ERCC8: variants seen among roughly 807,000 people sequenced by gnomAD.
ERCC8 encodes ERCC excision repair 8, CSA ubiquitin ligase complex subunit, also known as DNA excision repair protein ERCC-8.
Under a neutral mutation model 54.9 loss-of-function variants are expected in ERCC8, and 52 were observed. The ratio of observed to expected loss-of-function variants is 0.95; its 90% CI spans 0.76 to 1.19. The LOEUF (loss-of-function observed/expected upper bound fraction) is 1.19. ERCC8 is among the 50% of genes most tolerant of loss of function. The probability of loss-of-function intolerance (pLI) is 0.00; values close to 1 mark genes in which losing one functional copy is unlikely to be tolerated. For missense variants in ERCC8, 514 were observed against 466.1 expected (o/e 1.10, Z -0.95); for synonymous variants, 146 against 157.2 (o/e 0.93, Z 0.53).
chr5:60,918,484 T>C (rs1178219935), intron 3 of ERCC8, 96 bp from the exon 4 acceptor site: 1 of 1,067,790 alleles, frequency 9.4e-7, no homozygotes, highest in African/African-American at 1.6e-5. Context: ...GGTAGGATGA[T>C]ATGAATGGCC....
chr5:60,874,162 T>C lies in ERCC8; in HGVS notation c.*453A>G, dbSNP rs1747928202. The C allele has an allele frequency of 6.5e-6, 1 of 153,600 alleles. No individual in the cohort carries two copies. Among genetic ancestry groups the C allele is most frequent in the African/African-American group, 2.4e-5 (1 of 41,464 alleles). The allele number at this position is 153,600 out of a possible 1,614,324, so 9.5% of individuals were successfully genotyped here. A position where few individuals can be genotyped will look rare whatever the true frequency, so the allele number is the denominator to read the frequency against. On this transcript the variant is annotated 3_prime_UTR_variant, in exon 12 of 12. Transcript: ENST00000676185. ...TGAAGAAGAAAGAATAAAATAATTT[T>C]GATGTTACCATTTCAACTACTATTT...
At chr5:60,892,644 C>T (rs1748598913) in intron 9 of ERCC8, 1 of 657,282 alleles carries the variant, frequency 1.5e-6, no homozygotes. Flanking sequence ...CTCCAGGTTG[C>T]AGCACTGCAA....
intron 11 of ERCC8, among the ~76,000 whole-genome samples, chr5:60,877,911 G>C (rs1463828325): frequency 5.3e-5 from 8 of 152,164 alleles, no homozygotes; most frequent in Admixed American, 5.2e-4. Flanking sequence ...ACACTATGTT[G>C]AATAGGAGTG....
intron 4 of ERCC8, among the ~76,000 whole-genome samples, chr5:60,906,654 G>A (rs574573638): frequency 2.0e-5 from 3 of 152,014 alleles, no homozygotes; most frequent in East Asian, 3.9e-4. Context: ...GCTTGAACCC[G>A]GGAGGCAGAG....
chr5:60,920,830 T>C (rs548713499), intron 3 of ERCC8, among the ~76,000 whole-genome samples: 1 of 151,972 alleles, frequency 6.6e-6, no homozygotes, highest in South Asian at 2.1e-4. Flanking sequence ...GCACGTAGAA[T>C]AGGTGAAAAT....
chr5:60,944,484 C>T (rs929697675), intron 1 of ERCC8, among the ~76,000 whole-genome samples: 1 of 152,168 alleles, frequency 6.6e-6, no homozygotes, highest in African/African-American at 2.4e-5. Context: ...CCCAATTCTC[C>T]GCTCTAGTCA....
chr5:60,906,418 G>A lies in ERCC8; in HGVS notation c.400-1545C>T, dbSNP rs549842780. On this transcript the variant is annotated intron_variant, in intron 4 of 11. Transcript: ENST00000676185. ...TTTACAAAGGTGGTTGAGTTTTGGA[G>A]AAGGGCTATTATCATTTAAACTATA... 1.3e-4 allele frequency among the ~76,000 whole-genome samples: 19 copies of A among 151,982 alleles called. No individual in the cohort carries two copies. In the South Asian group the frequency reaches 1.3e-3, roughly 10 times the overall value.
At chr5:60,933,380 G>T (rs1749971538) in intron 1 of ERCC8, among the ~76,000 whole-genome samples, 1 of 151,362 alleles carries the variant, frequency 6.6e-6, no homozygotes, top group East Asian at 1.9e-4. Context: ...CACCACACCT[G>T]GCTAATTTTT....
intron 11 of ERCC8, among the ~76,000 whole-genome samples, chr5:60,881,945 C>T (rs1232923967): frequency 2.0e-5 from 3 of 152,216 alleles, no homozygotes; most frequent in Admixed American, 2.0e-4. Flanking sequence ...CTGTCTTCTG[C>T]ATTGCTCACG....
At chr5:60,879,078 T>C (rs1218958477) in intron 11 of ERCC8, among the ~76,000 whole-genome samples, 1 of 152,234 alleles carries the variant, frequency 6.6e-6, no homozygotes, top group Non-Finnish European at 1.5e-5. Flanking sequence ...GTCTTTGGTC[T>C]CGTTGGTTTC....
intron 10 of ERCC8, among the ~76,000 whole-genome samples, chr5:60,889,513 C>G (rs978385103): frequency 6.6e-6 from 1 of 152,122 alleles, no homozygotes; most frequent in Non-Finnish European, 1.5e-5. Flanking sequence ...ATTCTGTCAC[C>G]TAGGCTGGCC....
At chr5:60,930,221 G>A (rs1277365021) in intron 1 of ERCC8, among the ~76,000 whole-genome samples, 1 of 152,156 alleles carries the variant, frequency 6.6e-6, no homozygotes, top group African/African-American at 2.4e-5. Context: ...CCTAAGGTGA[G>A]GAGTTCGAGA....
chr5:60,896,247 G>C (rs750856998), intron 9 of ERCC8, among the ~76,000 whole-genome samples: 33 of 150,338 alleles, frequency 2.2e-4, no homozygotes, highest in South Asian at 4.2e-4. Context: ...ACGGAGTTTT[G>C]CTCTTGTTGC....
At chr5:60,928,995 T>C (rs1749830857) in intron 1 of ERCC8, 36 bp from the exon 2 acceptor site, 8 of 1,215,412 alleles carry the variant, frequency 6.6e-6, no homozygotes, top group Non-Finnish European at 9.7e-6. Context: ...AATTAACAAG[T>C]AATTTAACAT....
intron 11 of ERCC8, among the ~76,000 whole-genome samples, chr5:60,886,017 A>G (rs1021548555): frequency 6.6e-6 from 1 of 152,012 alleles, no homozygotes; most frequent in Admixed American, 6.6e-5. Context: ...GGTGTTTCCA[A>G]CTACATTATT....
intron 4 of ERCC8, chr5:60,907,352 A>ATTT (rs1408798577): frequency 1.7e-5 from 2 of 121,018 alleles, no homozygotes; most frequent in African/African-American, 6.6e-5. Context: ...TAGAAACATG[A>ATTT]TTCTTTTTTT....
At chr5:60,912,164 T>C (rs550453871) in intron 4 of ERCC8, among the ~76,000 whole-genome samples, 25 of 152,248 alleles carry the variant, frequency 1.6e-4, no homozygotes, top group Non-Finnish European at 3.2e-4. Flanking sequence ...TGGTATTCAA[T>C]CTATAAATTA....
At chr5:60,936,733 C>G (rs1031548932) in intron 1 of ERCC8, among the ~76,000 whole-genome samples, 1 of 152,182 alleles carries the variant, frequency 6.6e-6, no homozygotes, top group Admixed American at 6.5e-5. Flanking sequence ...TATTATCATT[C>G]AGTTCAAAGA....
intron 1 of ERCC8, among the ~76,000 whole-genome samples, chr5:60,931,311 T>TA (rs758855828): frequency 6.6e-6 from 1 of 152,166 alleles, no homozygotes; most frequent in Non-Finnish European, 1.5e-5. Context: ...AATTTTTTTT[T>TA]AAATTTACTT....
Sources: gnomAD v4.1 joint callset for allele counts (sites outside exome capture counted in the v4.1 genomes callset) on GRCh38, gnomAD v4.1.1 for gene constraint, MANE v1.5 for transcripts, NCBI Gene and HGNC (gene_info 2026-07-23, HGNC 2026-07-21) for gene names.